The following PAXIP1 variants were observed in gnomAD, a reference collection of about 807,000 sequenced individuals.
The protein encoded by PAXIP1 is PAX-interacting protein 1.
Under a neutral mutation model 140.6 loss-of-function variants are expected in PAXIP1, and 19 were observed. That is an observed-to-expected ratio of 0.14 (90% CI 0.09 to 0.20). The LOEUF (loss-of-function observed/expected upper bound fraction) is 0.20. Among genes scored for constraint, PAXIP1 ranks in the 10% least tolerant of loss-of-function variants. The pLI, the probability that PAXIP1 is intolerant of heterozygous loss-of-function variation, is 1.00. For missense variants in PAXIP1, 920 were observed against 1,208.6 expected (o/e 0.76, Z 3.54); for synonymous variants, 442 against 444.6 (o/e 0.99, Z 0.07).
At chr7:154,967,644 C>A in intron 8 of PAXIP1, 172 bp downstream of exon 8, 1 of 556,992 alleles carries the variant, frequency 1.8e-6, no homozygotes, top group Non-Finnish European at 3.2e-6. Context: ...AAACTGATGC[C>A]CAGAAAAGTG....
At chr7:154,999,723 T>C (rs768117067) in intron 1 of PAXIP1, among the ~76,000 whole-genome samples, 52 of 152,094 alleles carry the variant, frequency 3.4e-4, no homozygotes, top group Non-Finnish European at 6.8e-4. Flanking sequence ...ATGCCATTCT[T>C]TGGGGGTCGT....
intron 4 of PAXIP1, among the ~76,000 whole-genome samples, chr7:154,984,164 C>T (rs1809963700): frequency 6.6e-6 from 1 of 152,132 alleles, no homozygotes. Context: ...CTGTCTACAC[C>T]CAGGTCTAAC....
chr7:154,971,989 G>A (rs981584634), intron 6 of PAXIP1, among the ~76,000 whole-genome samples: 6 of 152,162 alleles, frequency 3.9e-5, no homozygotes, highest in Non-Finnish European at 8.8e-5. Context: ...ACTAGAAATG[G>A]ATGGAGCCTT....
Position 154,975,709 on chromosome 7 carries a change from G to T in PAXIP1, c.1061C>A (p.Ser354Ter). 1 of 1,609,054 alleles carries T rather than the reference G, an allele frequency of 6.2e-7. No homozygotes were observed. The highest frequency in any genetic ancestry group is 1.1e-5 in the South Asian group (1 of 90,728). The change falls in exon 6 of 21, where the codon TCA becomes TAA. Residue 354 changes from serine to a stop codon, truncating the protein, a stop_gained. Coordinates refer to ENST00000404141, the MANE Select transcript of PAXIP1 (RefSeq NM_007349.4). LOFTEE classifies it high-confidence loss of function. ...AGAGTGACTTACATGTGCTACATTT[G>T]ATGGCCGGTTCATCTGCTGAATGTC... Reference protein sequence around the residue: ...NADIQQMNRPSNVAHILQTLS... With the variant: ...NADIQQMNRP
At chr7:154,998,567 G>T in intron 2 of PAXIP1, 83 bp downstream of exon 2, 1 of 888,446 alleles carries the variant, frequency 1.1e-6, no homozygotes, top group Non-Finnish European at 1.6e-6. Context: ...CAAAAACCCT[G>T]AAAAGAGCTA....
At chr7:154,970,808 G>A (rs1809274934) in intron 6 of PAXIP1, among the ~76,000 whole-genome samples, 2 of 152,164 alleles carry the variant, frequency 1.3e-5, no homozygotes, top group Admixed American at 1.3e-4. Context: ...GTGGGAGGGG[G>A]GCTGAGAGTT....
intron 9 of PAXIP1, 106 bp from the exon 10 acceptor site, chr7:154,962,564 A>G (rs1215099948): frequency 2.8e-5 from 27 of 970,762 alleles, no homozygotes; most frequent in Middle Eastern, 6.3e-4. Context: ...TGGAAGCCCC[A>G]TAAAAGAATT....
In PAXIP1 at chr7:154,975,951, C is replaced by T. The variant is rs867235522; in HGVS notation, c.819G>A (p.Gln273=). The change falls in exon 6 of 21, where the codon CAG becomes CAA. Residue 273 remains glutamine, a synonymous_variant. Transcript: ENST00000404141. Reference sequence around the variant, plus strand: ...GCAGCCTGCGTTTTGCTGCAGCTAACTGTGGGACTTCGGCCGGGGTCCAGT... The same window carrying T: ...GCAGCCTGCGTTTTGCTGCAGCTAATTGTGGGACTTCGGCCGGGGTCCAGT... The part of the protein sequence containing the change: ...NLNWTPAEVP[Q]LAAAKRRLPQ... The T allele has an allele frequency of 6.2e-7, 1 of 1,613,948 alleles. No individual in the cohort carries two copies. The highest frequency in any genetic ancestry group is 8.5e-7 in the Non-Finnish European group (1 of 1,179,858).
At chr7:154,998,580 G>C in intron 2 of PAXIP1, 70 bp downstream of exon 2, 1 of 1,137,002 alleles carries the variant, frequency 8.8e-7, no homozygotes, top group Non-Finnish European at 1.3e-6. Context: ...AAGAGCTATA[G>C]TGAAACTTCA....
chr7:154,947,878 G>T, intron 17 of PAXIP1, 25 bp downstream of exon 17: 1 of 1,498,162 alleles, frequency 6.7e-7, no homozygotes, highest in Non-Finnish European at 9.3e-7. Context: ...TACTTGGACT[G>T]ATTTACTTTT....
chr7:154,955,741 G>T, intron 14 of PAXIP1, 110 bp from the exon 15 acceptor site: 2 of 561,990 alleles, frequency 3.6e-6, no homozygotes, highest in South Asian at 2.8e-5. Flanking sequence ...AACTGCATGT[G>T]GTTTTTATTC....
At chr7:154,990,927 A>G (rs547896079) in intron 4 of PAXIP1, 79 bp downstream of exon 4, 335 of 770,998 alleles carry the variant, frequency 4.3e-4, no homozygotes, top group Middle Eastern at 1.3e-3. Flanking sequence ...AAACTGGTTA[A>G]CAGGTCATAA....
chr7:154,952,731 A>T (rs983201305), intron 16 of PAXIP1, among the ~76,000 whole-genome samples: 4 of 152,178 alleles, frequency 2.6e-5, no homozygotes, highest in African/African-American at 9.7e-5. Flanking sequence ...TTACCCAGAG[A>T]CTACAGTACA....
At chr7:154,961,765 G>C in intron 10 of PAXIP1, 117 bp from the exon 11 acceptor site, 2 of 883,280 alleles carry the variant, frequency 2.3e-6, no homozygotes, top group Non-Finnish European at 3.4e-6. Context: ...TGGCATTATG[G>C]AACACATTTG....
rs1808879200 is a variant in PAXIP1 at position 154,963,859 on chromosome 7, CAT to C, written c.1894-95_1894-94del. ...TAAGGCAGCTATTAAAAGACTCTAT[CAT>C]ATATTTATATCATGTATTTCCTCAA... On this transcript the variant is annotated intron_variant, in intron 8 of 20. Coordinates refer to ENST00000404141, the MANE Select transcript of PAXIP1 (RefSeq NM_007349.4). The surrounding 1 kb of genome is among the most constrained non-coding windows in gnomAD (Gnocchi z 4.1). 2 of 801,044 alleles carry C rather than the reference CAT, an allele frequency of 2.5e-6. No homozygotes were observed. The highest frequency in any genetic ancestry group is 2.7e-5 in the East Asian group (1 of 37,240). The allele number at this position is 801,044 out of a possible 1,614,324, so 49.6% of individuals were successfully genotyped here. A position where few individuals can be genotyped will look rare whatever the true frequency, so the allele number is the denominator to read the frequency against.
At chr7:154,990,242 C>T (rs1344499193) in intron 4 of PAXIP1, among the ~76,000 whole-genome samples, 2 of 151,946 alleles carry the variant, frequency 1.3e-5, no homozygotes, top group African/African-American at 4.8e-5. Context: ...GGTTTCGCCA[C>T]GTTTGCCAGG....
chr7:154,967,586 C>T (rs1357865450), intron 8 of PAXIP1: 1 of 497,262 alleles, frequency 2.0e-6, no homozygotes, highest in African/African-American at 1.9e-5. Context: ...CTGGAATTTC[C>T]AAGCTGAAAA....
chr7:155,001,795 G>C (rs989031632), intron 1 of PAXIP1: 5 of 152,244 alleles, frequency 3.3e-5, no homozygotes, highest in Non-Finnish European at 7.3e-5. Flanking sequence ...CGGCCTTGAA[G>C]TCTCTTTACC....
intron 8 of PAXIP1, among the ~76,000 whole-genome samples, chr7:154,966,586 T>C (rs56892527): frequency 0.024 from 3,595 of 152,316 alleles, 142 homozygotes; most frequent in African/African-American, 0.082. Context: ...AGTTTTGTTG[T>C]ACTTCTCAAG....
Sources: gnomAD v4.1 joint callset for allele counts (sites outside exome capture counted in the v4.1 genomes callset) on GRCh38, gnomAD v4.1.1 for gene constraint, Gnocchi (gnomAD v3.1) non-coding constraint, MANE v1.5 for transcripts, NCBI Gene and HGNC (gene_info 2026-07-23, HGNC 2026-07-21) for gene names.